Variants in XKR9 observed in about 807,000 individuals in gnomAD.
XKR9 encodes XK related 9.
In XKR9, 32 loss-of-function variants were observed where a neutral mutation model predicts 32.0. The observed-to-expected ratio is 1.00, with a 90% CI of 0.76 to 1.34. The LOEUF (loss-of-function observed/expected upper bound fraction) is 1.34, where lower values mean the gene tolerates loss of function less well. Among genes scored for constraint, XKR9 ranks in the 40% most tolerant of loss-of-function variants. The pLI is 0.00. For missense variants in XKR9, 546 were observed against 429.7 expected, an observed-to-expected ratio of 1.27 and a Z score of -2.39; for synonymous variants, 168 against 143.4, an observed-to-expected ratio of 1.17 and a Z score of -1.22.
intron 2 of XKR9, among the ~76,000 whole-genome samples, chr8:70,764,637 A>G (rs1434041163): frequency 1.3e-5 from 2 of 152,100 alleles, no homozygotes; most frequent in African/African-American, 4.8e-5. Flanking sequence ...ACATGTGCAG[A>G]ATGTGTAGGT....
At chr8:70,895,203 A>G in the XKR9 span, among the ~76,000 whole-genome samples, 1 of 151,872 alleles carries the variant, frequency 6.6e-6, no homozygotes, top group Non-Finnish European at 1.5e-5. Context: ...TTTCCAGCTG[A>G]TCCCATTTGG....
chr8:71,025,556 A>T, the XKR9 span, among the ~76,000 whole-genome samples: 1 of 152,206 alleles, frequency 6.6e-6, no homozygotes, highest in Non-Finnish European at 1.5e-5. Context: ...TGAGCTAGAC[A>T]CTCAAAATCA....
At chr8:70,927,938 CTGG>C in the XKR9 span, among the ~76,000 whole-genome samples, 1 of 152,208 alleles carries the variant, frequency 6.6e-6, no homozygotes, top group South Asian at 2.1e-4. Flanking sequence ...GGGTCCTAGA[CTGG>C]TTCTTCCCCG....
chr8:70,716,490 T>G lies in XKR9; in HGVS notation c.493+9337T>G, dbSNP rs538709237. 2.0e-5 allele frequency among the ~76,000 whole-genome samples: 3 copies of G among 152,198 alleles called. No homozygotes were observed. In the East Asian group the frequency reaches 5.8e-4, roughly 29 times the overall value. Reference sequence around the variant, plus strand: ...GAAGGGGAAGCAAACACATCCTTCTTCACATGGTGACAGGAAGAATGAGAG... The same window carrying G: ...GAAGGGGAAGCAAACACATCCTTCTGCACATGGTGACAGGAAGAATGAGAG... On this transcript the variant is annotated intron_variant, in intron 4 of 4. Transcript: ENST00000408926.
chr8:70,857,721 A>G, the XKR9 span, among the ~76,000 whole-genome samples: 1 of 152,198 alleles, frequency 6.6e-6, no homozygotes, highest in East Asian at 1.9e-4. Context: ...CCTCAATAAA[A>G]TACTGGGAAA....
intron 2 of XKR9, among the ~76,000 whole-genome samples, chr8:70,778,720 G>A (rs960659433): frequency 1.3e-5 from 2 of 152,058 alleles, no homozygotes; most frequent in African/African-American, 4.8e-5. Flanking sequence ...ATTGTGAATG[G>A]GAGTTCACTC....
the XKR9 span, among the ~76,000 whole-genome samples, chr8:70,930,513 A>G: frequency 6.6e-6 from 1 of 152,170 alleles, no homozygotes; most frequent in Non-Finnish European, 1.5e-5. Context: ...TAAAAAAGAG[A>G]GATATTTTAA....
chr8:70,683,227 A>G (rs1046432515), intron 3 of XKR9, among the ~76,000 whole-genome samples: 5 of 152,236 alleles, frequency 3.3e-5, no homozygotes, highest in Admixed American at 2.0e-4. Flanking sequence ...TGTTCCAAGT[A>G]TAAAGTAAAA....
chr8:70,877,225 C>T, the XKR9 span, among the ~76,000 whole-genome samples: 3 of 152,220 alleles, frequency 2.0e-5, no homozygotes, highest in East Asian at 1.9e-4. Context: ...TGGGAAACTG[C>T]CCCCATGATT....
the XKR9 span, among the ~76,000 whole-genome samples, chr8:70,978,412 T>A: frequency 6.6e-6 from 1 of 152,342 alleles, no homozygotes; most frequent in East Asian, 1.9e-4. Context: ...CTTCAGGAAC[T>A]CTTTTAGGGC....
At chr8:70,816,119 T>TA in the XKR9 span, among the ~76,000 whole-genome samples, 5 of 151,892 alleles carry the variant, frequency 3.3e-5, no homozygotes, top group Non-Finnish European at 5.9e-5. Flanking sequence ...AAACTGTATC[T>TA]AAAAAAACAA....
chr8:70,759,343 A>G (rs1231583983), intron 2 of XKR9, among the ~76,000 whole-genome samples: 2 of 152,172 alleles, frequency 1.3e-5, no homozygotes, highest in Non-Finnish European at 2.9e-5. Flanking sequence ...TAGCTATTTT[A>G]GAAAGGGGGT....
At chr8:70,765,678 C>A (rs1807365738) in intron 2 of XKR9, among the ~76,000 whole-genome samples, 1 of 152,154 alleles carries the variant, frequency 6.6e-6, no homozygotes, top group Non-Finnish European at 1.5e-5. Flanking sequence ...GAAGTCGTTG[C>A]CTATGCCTAT....
the XKR9 span, among the ~76,000 whole-genome samples, chr8:70,801,311 T>C: frequency 6.8e-4 from 104 of 152,292 alleles, no homozygotes; most frequent in Non-Finnish European, 8.4e-4. Context: ...GACTATACAC[T>C]TCCCTCCTAA....
intron 4 of XKR9, among the ~76,000 whole-genome samples, chr8:70,714,850 A>T (rs573377777): frequency 2.0e-5 from 3 of 152,204 alleles, no homozygotes; most frequent in African/African-American, 7.2e-5. Flanking sequence ...CTCTGAATTA[A>T]TAAGTAAAGA....
At chr8:70,990,733 A>AAGAGAGAGAGAG in the XKR9 span, among the ~76,000 whole-genome samples, 1 of 143,192 alleles carries the variant, frequency 7.0e-6, no homozygotes, top group Non-Finnish European at 1.5e-5. Flanking sequence ...TTGGCAGAAT[A>AAGAGAGAGAGAG]AGAGAGAGAG....
the XKR9 span, among the ~76,000 whole-genome samples, chr8:71,050,231 GC>G: frequency 1.0e-5 from 1 of 99,818 alleles, no homozygotes; most frequent in Non-Finnish European, 2.3e-5. Context: ...CTTATGCCTG[GC>G]AGAGATATAT....
intron 3 of XKR9, among the ~76,000 whole-genome samples, chr8:70,701,278 T>C (rs528815862): frequency 6.6e-6 from 1 of 152,340 alleles, no homozygotes; most frequent in African/African-American, 2.4e-5. Flanking sequence ...ATCTTCTGCG[T>C]CACTCACGCT....
chr8:70,844,381 C>T, the XKR9 span, among the ~76,000 whole-genome samples: 1 of 152,198 alleles, frequency 6.6e-6, no homozygotes, highest in Admixed American at 6.5e-5. Context: ...AGCACCCTCC[C>T]TAACCCAAGA....
Sources: gnomAD v4.1 joint callset for allele counts (sites outside exome capture counted in the v4.1 genomes callset) on GRCh38, gnomAD v4.1.1 for gene constraint, MANE v1.5 for transcripts, NCBI Gene and HGNC (gene_info 2026-07-23, HGNC 2026-07-21) for gene names.